Variants in GINS1 observed in about 807,000 individuals in gnomAD.
GINS1 encodes the protein GINS complex subunit 1, also known as DNA replication complex GINS protein PSF1.
In GINS1, 26 loss-of-function variants were observed where a neutral mutation model predicts 34.9. The ratio of observed to expected loss-of-function variants is 0.74; its 90% CI spans 0.55 to 1.03. GINS1 has a LOEUF of 1.03. Ranked by LOEUF, GINS1 falls within the 50% of genes least tolerant of loss-of-function variation. GINS1 has a pLI of 0.00. For missense variants in GINS1, 235 were observed against 237.9 expected (o/e 0.99, Z 0.08); for synonymous variants, 97 against 84.4 (o/e 1.15, Z -0.82).
chr20:25,417,295 C>T, intron 3 of GINS1, 93 bp downstream of exon 3: 1 of 695,502 alleles, frequency 1.4e-6, no homozygotes, highest in Non-Finnish European at 2.6e-6. Flanking sequence ...TCTTAGATCT[C>T]TCTCTCTTTG....
intron 2 of GINS1, among the ~76,000 whole-genome samples, chr20:25,416,093 G>A (rs955295905): frequency 6.6e-5 from 10 of 152,208 alleles, no homozygotes; most frequent in African/African-American, 2.4e-4. Flanking sequence ...GTGGACAGGT[G>A]GTGGTGTGTT....
chr20:25,446,143 C>G lies in GINS1; in HGVS notation c.*152C>G. 2.0e-6 allele frequency: 1 copy of G among 502,838 alleles called. No homozygotes were observed. Among genetic ancestry groups the G allele is most frequent in the East Asian group, 3.1e-5 (1 of 32,026 alleles). 31.1% of individuals were successfully genotyped at this position (502,838 alleles called of 1,614,324 possible). A position where few individuals can be genotyped will look rare whatever the true frequency, so the allele number is the denominator to read the frequency against. ...ATACTTGGCTAAGAAGTATAATTTG[C>G]TAACTATTAAGGACTTTCTTTTTTT... On this transcript the variant is annotated 3_prime_UTR_variant, in exon 7 of 7. Transcript: ENST00000262460.
chr20:25,421,093 G>C (rs936009152), intron 4 of GINS1: 2 of 282,790 alleles, frequency 7.1e-6, no homozygotes, highest in Non-Finnish European at 1.1e-5. Flanking sequence ...ACATGGGCTT[G>C]AGTCTGCCAC....
rs1846389404 is a variant in GINS1, at chr20:25,447,423, T to G, written c.*1432T>G. ...TTGGGAATATAGATATCCAGCTGTT[T>G]CACTACCATTTTTTGAAAGGACTGC... On this transcript the variant is annotated 3_prime_UTR_variant, in exon 7 of 7. Coordinates refer to ENST00000262460, the MANE Select transcript of GINS1 (RefSeq NM_021067.5). The G allele has an allele frequency of 1.3e-5, 2 of 152,236 alleles. No individual in the cohort carries two copies. The highest frequency in any genetic ancestry group is 2.9e-5 in the Non-Finnish European group (2 of 68,038). The allele number at this position is 152,236 out of a possible 1,614,324, so 9.4% of individuals were successfully genotyped here.
intron 5 of GINS1, among the ~76,000 whole-genome samples, chr20:25,436,025 T>C (rs868078893): frequency 8.2e-4 from 124 of 150,986 alleles, no homozygotes; most frequent in African/African-American, 2.9e-3. Flanking sequence ...GGTTTCACCA[T>C]GTTAGCCAGG....
intron 1 of GINS1, among the ~76,000 whole-genome samples, chr20:25,409,847 ATG>A (rs2090272448): frequency 6.6e-6 from 1 of 152,226 alleles, no homozygotes; most frequent in Non-Finnish European, 1.5e-5. Context: ...AAATGCTAAA[ATG>A]TGGCCTGAGA....
intron 5 of GINS1, among the ~76,000 whole-genome samples, chr20:25,428,351 A>G (rs1428721444): frequency 6.7e-6 from 1 of 149,002 alleles, no homozygotes; most frequent in African/African-American, 2.5e-5. Flanking sequence ...TGATGGTCCA[A>G]CTTTATTTTT....
intron 4 of GINS1, among the ~76,000 whole-genome samples, chr20:25,419,222 A>G (rs1486428907): frequency 6.6e-6 from 1 of 152,242 alleles, no homozygotes; most frequent in Non-Finnish European, 1.5e-5. Flanking sequence ...AACAGTTACT[A>G]CATTACAGTT....
chr20:25,429,999 G>A (rs556497414), intron 5 of GINS1, among the ~76,000 whole-genome samples: 19 of 152,152 alleles, frequency 1.2e-4, no homozygotes, highest in Non-Finnish European at 2.5e-4. Context: ...TTCAACGTCC[G>A]CCTCCTAGGT....
At chr20:25,407,924 A>C (rs2146178920) in intron 1 of GINS1, 29 bp downstream of exon 1, 1 of 1,570,766 alleles carries the variant, frequency 6.4e-7, no homozygotes, top group Non-Finnish European at 8.8e-7. Context: ...TGGACGGGGC[A>C]TGCCGGCGTT....
At position 25,426,496 on chromosome 20, in the gene GINS1, G is replaced by A. The variant is rs1419164313; in HGVS notation, c.447+1169G>A. Among the ~76,000 whole-genome samples the A allele has an allele frequency of 9.2e-5, 14 of 152,094 alleles. 1 individual carries two copies. The highest frequency in any genetic ancestry group is 4.2e-4 in the South Asian group (2 of 4,802). ...CTAGAACCGGGGAGAAGGAGGTTGC[G>A]GTGAGCTGAGATTGCACCATTGCAC... On this transcript the variant is annotated intron_variant, in intron 5 of 6. Transcript: ENST00000262460.
intron 1 of GINS1, among the ~76,000 whole-genome samples, chr20:25,411,753 G>T (rs1292378092): frequency 6.6e-6 from 1 of 152,066 alleles, no homozygotes; most frequent in African/African-American, 2.4e-5. Flanking sequence ...GACCAACCTG[G>T]TGAACATGGT....
chr20:25,421,063 C>A, intron 4 of GINS1: 1 of 575,368 alleles, frequency 1.7e-6, no homozygotes, highest in Non-Finnish European at 2.2e-6. Flanking sequence ...AAGGATAGTG[C>A]TTCAATGGGT....
At chr20:25,416,752 T>C (rs1228983027) in intron 2 of GINS1, among the ~76,000 whole-genome samples, 1 of 152,214 alleles carries the variant, frequency 6.6e-6, no homozygotes, top group Non-Finnish European at 1.5e-5. Context: ...CATAACCTCA[T>C]GTCCATCATG....
chr20:25,408,365 A>T (rs1300672363), intron 1 of GINS1, among the ~76,000 whole-genome samples: 1 of 152,190 alleles, frequency 6.6e-6, no homozygotes, highest in African/African-American at 2.4e-5. Flanking sequence ...GATGTAGTGG[A>T]CGCAAAATGA....
At chr20:25,440,931 G>A (rs1245522617) in intron 5 of GINS1, among the ~76,000 whole-genome samples, 3 of 152,078 alleles carry the variant, frequency 2.0e-5, no homozygotes, top group Non-Finnish European at 4.4e-5. Context: ...GTAAGGTTCC[G>A]GAGGGATGGT....
chr20:25,407,927 C>T (rs1285947461), intron 1 of GINS1, 32 bp downstream of exon 1: 7 of 1,540,344 alleles, frequency 4.5e-6, no homozygotes, highest in South Asian at 3.4e-5. Flanking sequence ...ACGGGGCATG[C>T]CGGCGTTGGG....
At chr20:25,439,724 C>T (rs192805809) in intron 5 of GINS1, among the ~76,000 whole-genome samples, 34 of 152,106 alleles carry the variant, frequency 2.2e-4, no homozygotes, top group African/African-American at 7.9e-4. Flanking sequence ...AGGCTGGGCA[C>T]GGTGGCTCAT....
intron 5 of GINS1, among the ~76,000 whole-genome samples, chr20:25,427,395 AC>A (rs1484619024): frequency 6.6e-6 from 1 of 151,784 alleles, no homozygotes; most frequent in Admixed American, 6.6e-5. Context: ...ACACGGTTTC[AC>A]CATTTTGGCC....
Sources: gnomAD v4.1 joint callset for allele counts (sites outside exome capture counted in the v4.1 genomes callset) on GRCh38, gnomAD v4.1.1 for gene constraint, MANE v1.5 for transcripts, NCBI Gene and HGNC (gene_info 2026-07-23, HGNC 2026-07-21) for gene names.